The following GUCY1A2 variants were observed in gnomAD, a reference collection of about 807,000 sequenced individuals.
GUCY1A2 encodes the protein guanylate cyclase soluble subunit alpha-2.
Under a neutral mutation model 63.5 loss-of-function variants are expected in GUCY1A2, and 27 were observed. That is an observed-to-expected ratio of 0.43 (90% CI 0.31 to 0.59). The LOEUF (loss-of-function observed/expected upper bound fraction) is 0.59. Ranked by LOEUF, GUCY1A2 falls within the 20% of genes least tolerant of loss-of-function variation. The pLI, the probability that GUCY1A2 is intolerant of heterozygous loss-of-function variation, is 0.11. For synonymous variants in GUCY1A2, 364 were observed against 343.5 expected (o/e 1.06, Z -0.66); for missense variants, 768 against 913.3 (o/e 0.84, Z 2.05).
At chr11:106,791,350 A>G (rs1175863190) in intron 5 of GUCY1A2, among the ~76,000 whole-genome samples, 3 of 152,216 alleles carry the variant, frequency 2.0e-5, no homozygotes, top group African/African-American at 7.2e-5. Flanking sequence ...TACAGGGGGA[A>G]TTGGGAAGGT....
intron 6 of GUCY1A2, among the ~76,000 whole-genome samples, chr11:106,721,708 A>G (rs545093077): frequency 6.6e-6 from 1 of 152,322 alleles, no homozygotes; most frequent in Admixed American, 6.5e-5. Flanking sequence ...TAATTATGAA[A>G]ACGAAATCAA....
rs1862517749 is a variant in GUCY1A2 at position 106,685,844 on chromosome 11, T to A, written c.*1705A>T. 4.4e-6 allele frequency: 1 copy of A among 226,248 alleles called. No individual in the cohort carries two copies. The highest frequency in any genetic ancestry group is 8.8e-6 in the Non-Finnish European group (1 of 113,676). The allele number at this position is 226,248 out of a possible 1,614,324, so 14.0% of individuals were successfully genotyped here. On this transcript the variant is annotated 3_prime_UTR_variant, in exon 8 of 8. Transcript: ENST00000526355. ...CTTGTAAACCCCCAGGGCAAGAAAA[T>A]AACTCAAATTATAAAAGGGATCAGG...
intron 7 of GUCY1A2, among the ~76,000 whole-genome samples, chr11:106,705,750 C>T (rs1440328504): frequency 6.6e-6 from 1 of 152,060 alleles, no homozygotes; most frequent in Non-Finnish European, 1.5e-5. Context: ...GTCCCAGCTA[C>T]TTGGGAGGCT....
intron 1 of GUCY1A2, among the ~76,000 whole-genome samples, chr11:107,010,730 CT>C (rs200333677): frequency 6.2e-4 from 93 of 151,166 alleles, no homozygotes; most frequent in African/African-American, 2.1e-3. Context: ...CTCCTGAGCA[CT>C]TTTTTTTTAC....
At chr11:106,825,740 C>G (rs1348648758) in intron 4 of GUCY1A2, among the ~76,000 whole-genome samples, 1 of 152,056 alleles carries the variant, frequency 6.6e-6, no homozygotes, top group African/African-American at 2.4e-5. Flanking sequence ...AACATGCTAA[C>G]ACTGACGATA....
chr11:106,832,261 G>A (rs1859061659), intron 4 of GUCY1A2, among the ~76,000 whole-genome samples: 1 of 151,976 alleles, frequency 6.6e-6, no homozygotes, highest in South Asian at 2.1e-4. Flanking sequence ...AATTTAAATG[G>A]TTTCTTAAAT....
At chr11:107,001,605 T>G (rs1056878440) in intron 1 of GUCY1A2, among the ~76,000 whole-genome samples, 1 of 152,236 alleles carries the variant, frequency 6.6e-6, no homozygotes, top group African/African-American at 2.4e-5. Flanking sequence ...ACTTTGTTTT[T>G]GCTGTTGTTG....
chr11:106,770,988 G>T (rs886447588), intron 6 of GUCY1A2, among the ~76,000 whole-genome samples: 3 of 151,764 alleles, frequency 2.0e-5, no homozygotes, highest in Admixed American at 1.3e-4. Context: ...TATATAAAAT[G>T]CACTGTCTTT....
intron 1 of GUCY1A2, among the ~76,000 whole-genome samples, chr11:106,990,856 T>A (rs145558506): frequency 6.6e-6 from 1 of 152,296 alleles, no homozygotes; most frequent in Non-Finnish European, 1.5e-5. Flanking sequence ...CAGCACTTCA[T>A]CATGCCAAAA....
intron 4 of GUCY1A2, among the ~76,000 whole-genome samples, chr11:106,816,099 C>G (rs1029167058): frequency 6.8e-6 from 1 of 146,438 alleles, no homozygotes; most frequent in Non-Finnish European, 1.5e-5. Context: ...ACAACAAAAT[C>G]TACAAATACG....
At chr11:106,790,032 C>T (rs900061896) in intron 5 of GUCY1A2, among the ~76,000 whole-genome samples, 2 of 152,176 alleles carry the variant, frequency 1.3e-5, no homozygotes, top group African/African-American at 4.8e-5. Context: ...TCTTAAGGCC[C>T]TTGGGCTCTA....
intron 5 of GUCY1A2, among the ~76,000 whole-genome samples, chr11:106,797,441 T>C (rs1864786838): frequency 6.6e-6 from 1 of 152,100 alleles, no homozygotes; most frequent in South Asian, 2.1e-4. Context: ...CTAATAGACA[T>C]CTACAGAACT....
intron 6 of GUCY1A2, among the ~76,000 whole-genome samples, chr11:106,757,941 G>A (rs1252510611): frequency 6.6e-6 from 1 of 152,212 alleles, no homozygotes; most frequent in African/African-American, 2.4e-5. Flanking sequence ...GTCTGCAGAA[G>A]CTTTGCCCAC....
intron 4 of GUCY1A2, among the ~76,000 whole-genome samples, chr11:106,849,628 A>G (rs1859323761): frequency 6.6e-6 from 1 of 151,648 alleles, no homozygotes; most frequent in Non-Finnish European, 1.5e-5. Flanking sequence ...ATCTTTTATC[A>G]TATATCTACA....
At chr11:106,850,609 T>C (rs1037425727) in intron 4 of GUCY1A2, among the ~76,000 whole-genome samples, 2 of 151,860 alleles carry the variant, frequency 1.3e-5, no homozygotes, top group African/African-American at 4.8e-5. Context: ...TGGTTATTGA[T>C]CTTTCTATGC....
At chr11:106,736,170 C>A (rs1200105786) in intron 6 of GUCY1A2, among the ~76,000 whole-genome samples, 1 of 151,988 alleles carries the variant, frequency 6.6e-6, no homozygotes, top group Non-Finnish European at 1.5e-5. Flanking sequence ...GCTTTGGTCA[C>A]CAGTGTTTTT....
chr11:106,758,415 G>A (rs928012034), intron 6 of GUCY1A2, among the ~76,000 whole-genome samples: 7 of 152,128 alleles, frequency 4.6e-5, no homozygotes, highest in African/African-American at 1.7e-4. Flanking sequence ...GGCTTCCCTT[G>A]GCTAGGAAAG....
At chr11:106,705,785 G>A (rs1362628511) in intron 7 of GUCY1A2, among the ~76,000 whole-genome samples, 4 of 152,052 alleles carry the variant, frequency 2.6e-5, no homozygotes, top group Admixed American at 6.5e-5. Flanking sequence ...CCTTGAACCC[G>A]GGAGGCGGAG....
intron 1 of GUCY1A2, among the ~76,000 whole-genome samples, chr11:107,012,998 C>CTAAA (rs5794515): frequency 0.44 from 66,550 of 151,416 alleles, 14,913 homozygotes; most frequent in Admixed American, 0.53. Flanking sequence ...TCAACAGAAG[C>CTAAA]TAAAGTATTT....
Sources: allele counts gnomAD v4.1 joint callset (sites outside exome capture counted in the v4.1 genomes callset), GRCh38; gene constraint gnomAD v4.1.1; transcripts MANE v1.5; gene names NCBI Gene and HGNC (gene_info 2026-07-23, HGNC 2026-07-21).